Variants in NSUN6 observed in about 807,000 individuals in gnomAD.
NSUN6 encodes NOP2/Sun RNA methyltransferase 6, also known as tRNA (cytosine(72)-C(5))-methyltransferase NSUN6.
Under a neutral mutation model 58.0 loss-of-function variants are expected in NSUN6, and 64 were observed. That is an observed-to-expected ratio of 1.10 (90% CI 0.90 to 1.36). The LOEUF (loss-of-function observed/expected upper bound fraction) is 1.36, where lower values mean the gene tolerates loss of function less well. NSUN6 is among the 40% of genes most tolerant of loss of function. The pLI is 0.00. For synonymous variants in NSUN6, 231 were observed against 193.9 expected, an observed-to-expected ratio of 1.19 and a Z score of -1.59; for missense variants, 701 against 550.1, an observed-to-expected ratio of 1.27 and a Z score of -2.74.
At chr10:18,579,810 T>C (rs1026103905) in intron 8 of NSUN6, among the ~76,000 whole-genome samples, 2 of 152,116 alleles carry the variant, frequency 1.3e-5, no homozygotes, top group Non-Finnish European at 1.5e-5. Flanking sequence ...GAATACACAA[T>C]TTAGTCTGCC....
At chr10:18,639,541 A>T (rs1024459997) in intron 3 of NSUN6, among the ~76,000 whole-genome samples, 3 of 152,140 alleles carry the variant, frequency 2.0e-5, no homozygotes, top group African/African-American at 7.2e-5. Flanking sequence ...ACTTAATAAA[A>T]ATCAGGAGTT....
chr10:18,626,307 A>C (rs1434496194), intron 3 of NSUN6, among the ~76,000 whole-genome samples: 1 of 152,028 alleles, frequency 6.6e-6, no homozygotes, highest in Non-Finnish European at 1.5e-5. Context: ...TGGGAGGCCG[A>C]GGAGGGTGGA....
At chr10:18,552,565 G>A (rs969700544) in intron 8 of NSUN6, among the ~76,000 whole-genome samples, 8 of 151,858 alleles carry the variant, frequency 5.3e-5, no homozygotes, top group African/African-American at 1.5e-4. Flanking sequence ...AAACCAAGTG[G>A]TCTGTTTACA....
At chr10:18,640,328 G>T (rs970459236) in intron 3 of NSUN6, among the ~76,000 whole-genome samples, 1 of 152,102 alleles carries the variant, frequency 6.6e-6, no homozygotes, top group African/African-American at 2.4e-5. Context: ...TGTAACAGAT[G>T]ATTACTTTTA....
At chr10:18,651,788 G>A (rs1564855485), upstream of NSUN6, 16 of 985,468 alleles carry the variant, frequency 1.6e-5, no homozygotes, top group Non-Finnish European at 1.8e-5. Context: ...AGGTTAAGTA[G>A]GCAGACCCCG....
chr10:18,651,066 C>G (rs1158135645), intron 1 of NSUN6, 63 bp downstream of exon 1: 1 of 1,562,454 alleles, frequency 6.4e-7, no homozygotes, highest in East Asian at 2.3e-5. Flanking sequence ...ATTTCTATTT[C>G]TCTCGAGTGT....
At chr10:18,579,841 C>T (rs1307113767) in intron 8 of NSUN6, among the ~76,000 whole-genome samples, 1 of 152,152 alleles carries the variant, frequency 6.6e-6, no homozygotes, top group Non-Finnish European at 1.5e-5. Flanking sequence ...TGCATTTTTA[C>T]ATAAACAATA....
At chr10:18,584,737 A>T (rs1436671070) in intron 8 of NSUN6, among the ~76,000 whole-genome samples, 2 of 152,208 alleles carry the variant, frequency 1.3e-5, no homozygotes, top group African/African-American at 2.4e-5. Flanking sequence ...ACATCATCGT[A>T]AAAATGTTGA....
At chr10:18,610,486 A>G (rs1044679053) in intron 5 of NSUN6, among the ~76,000 whole-genome samples, 1 of 152,260 alleles carries the variant, frequency 6.6e-6, no homozygotes, top group Non-Finnish European at 1.5e-5. Context: ...ATTTAAGCAC[A>G]AATGTGTTTC....
chr10:18,647,789 C>T (rs1172799137), intron 2 of NSUN6, among the ~76,000 whole-genome samples: 1 of 128,980 alleles, frequency 7.8e-6, no homozygotes, highest in Non-Finnish European at 1.5e-5. Context: ...GGCTGGAGTG[C>T]AGTCATGCAA....
intron 6 of NSUN6, among the ~76,000 whole-genome samples, chr10:18,602,386 G>C (rs906331774): frequency 6.6e-6 from 1 of 152,086 alleles, no homozygotes; most frequent in Admixed American, 6.6e-5. Flanking sequence ...TGGGAATACA[G>C]GTGCCCGCCA....
At chr10:18,649,897 C>T (rs536908381) in intron 1 of NSUN6, among the ~76,000 whole-genome samples, 50 of 152,272 alleles carry the variant, frequency 3.3e-4, no homozygotes, top group African/African-American at 9.9e-4. Flanking sequence ...TCTTTCCATA[C>T]AGTCTAGTAC....
intron 1 of NSUN6, among the ~76,000 whole-genome samples, chr10:18,649,971 T>C (rs978007696): frequency 1.3e-5 from 2 of 152,234 alleles, no homozygotes; most frequent in African/African-American, 2.4e-5. Flanking sequence ...TTCAATAACA[T>C]ATTCAAAAAT....
At chr10:18,620,259 T>C (rs1185887714) in intron 3 of NSUN6, among the ~76,000 whole-genome samples, 1 of 152,042 alleles carries the variant, frequency 6.6e-6, no homozygotes, top group Non-Finnish European at 1.5e-5. Context: ...GGCTAATTTT[T>C]TGTGTTTTTA....
At chr10:18,648,144 G>C (rs996912057) in intron 2 of NSUN6, among the ~76,000 whole-genome samples, 1 of 152,044 alleles carries the variant, frequency 6.6e-6, no homozygotes, top group African/African-American at 2.4e-5. Context: ...CTGTCCTCCT[G>C]GTCATTATAT....
upstream of NSUN6, among the ~76,000 whole-genome samples, chr10:18,655,548 A>C (rs1286339989): frequency 6.6e-6 from 1 of 152,214 alleles, no homozygotes; most frequent in Admixed American, 6.5e-5. Flanking sequence ...AAAGTGACCT[A>C]AATTCTGACA....
At chr10:18,549,909 A>T (rs1185448255) in intron 9 of NSUN6, among the ~76,000 whole-genome samples, 1 of 152,266 alleles carries the variant, frequency 6.6e-6, no homozygotes, top group Non-Finnish European at 1.5e-5. Flanking sequence ...ACCACAAAGT[A>T]AGATGACTAT....
At chr10:18,616,801 G>C (rs1190587547) in intron 3 of NSUN6, among the ~76,000 whole-genome samples, 1 of 151,948 alleles carries the variant, frequency 6.6e-6, no homozygotes, top group Non-Finnish European at 1.5e-5. Flanking sequence ...ACTAAAATCT[G>C]TATTACTTCT....
chr10:18,634,670 G>A (rs1417847180), intron 3 of NSUN6, among the ~76,000 whole-genome samples: 1 of 152,108 alleles, frequency 6.6e-6, no homozygotes, highest in East Asian at 1.9e-4. Context: ...GCTGAGGCAG[G>A]AGAATGGCCT....
Sources: gnomAD v4.1 joint callset for allele counts (sites outside exome capture counted in the v4.1 genomes callset) on GRCh38, gnomAD v4.1.1 for gene constraint, MANE v1.5 for transcripts, NCBI Gene and HGNC (gene_info 2026-07-23, HGNC 2026-07-21) for gene names.